ABCB5: variants seen among roughly 807,000 people sequenced by gnomAD.
ABCB5 encodes the protein ATP binding cassette subfamily B member 5, also known as ATP-binding cassette sub-family B member 5.
A neutral mutation model predicts 144.2 loss-of-function variants in ABCB5; 155 were observed. That is an observed-to-expected ratio of 1.08 (90% confidence interval 0.94 to 1.23). ABCB5 has a LOEUF of 1.23. ABCB5 is among the 50% of genes most tolerant of loss of function. The probability of loss-of-function intolerance (pLI) is 0.00; values close to 1 mark genes in which losing one functional copy is unlikely to be tolerated. For missense variants in ABCB5, 1,830 were observed against 1,520.8 expected (o/e 1.20, Z -3.38); for synonymous variants, 610 against 528.6 (o/e 1.15, Z -2.11).
chr7:20,646,118 A>G lies in ABCB5; in HGVS notation c.961A>G (p.Thr321Ala). Residue 321 changes from threonine (T) to alanine (A), a missense_variant, in exon 9 of 28, where the codon ACC becomes GCC. Physicochemically the swap from Thr to Ala is moderately conservative, Grantham distance 58 (BLOSUM62 0). Transcript: ENST00000404938. ...GATTCTTAATGGAGAACCTGGATAT[A>G]CCATCGGGACTGTTCTTGCTGTAAG... ...SLILNGEPGYTIGTVLAVFFS... is the reference protein window; with the variant it reads ...SLILNGEPGYAIGTVLAVFFS... 3 of 1,613,336 alleles carry G rather than the reference A, an allele frequency of 1.9e-6. No individual in the cohort carries two copies. Among genetic ancestry groups the G allele is most frequent in the Non-Finnish European group, 2.5e-6 (3 of 1,179,618 alleles).
chr7:20,661,534 C>CTCTTT (rs1406657803), intron 14 of ABCB5, among the ~76,000 whole-genome samples: 10 of 132,436 alleles, frequency 7.6e-5, no homozygotes, highest in South Asian at 4.5e-4. Context: ...TCTTTCTTTT[C>CTCTTT]TTTTTCTTTT....
Position 20,743,092 on chromosome 7 carries a change from C to G in ABCB5, c.3222+18C>G, listed in dbSNP as rs1412775239. On this transcript the variant is annotated intron_variant, in intron 25 of 27. Transcript: ENST00000404938. ...GACAAGTGGTAAGACAGAACTGAAA[C>G]ACACCTAATCTGGGGGTTAGCAGTC... 6.2e-7 allele frequency: 1 copy of G among 1,611,840 alleles called. No individual in the cohort carries two copies. Among genetic ancestry groups the G allele is most frequent in the East Asian group, 2.2e-5 (1 of 44,848 alleles).
At chr7:20,618,660 C>A (rs972433898) in intron 1 of ABCB5, among the ~76,000 whole-genome samples, 1 of 149,326 alleles carries the variant, frequency 6.7e-6, no homozygotes, top group Middle Eastern at 3.4e-3. Context: ...TGAAAACATA[C>A]AACATTTGGT....
At chr7:20,661,886 T>C (rs1052928326) in intron 14 of ABCB5, among the ~76,000 whole-genome samples, 10 of 151,992 alleles carry the variant, frequency 6.6e-5, no homozygotes, top group African/African-American at 1.7e-4. Flanking sequence ...TACAAACTAG[T>C]TTTGTTTCAC....
chr7:20,626,532 T>G (rs771442695), intron 2 of ABCB5, 25 bp from the exon 3 acceptor site: 1 of 1,593,382 alleles, frequency 6.3e-7, no homozygotes, highest in African/African-American at 1.3e-5. Context: ...TTGTAACTGC[T>G]GCATTTTGAA....
At position 20,681,611 on chromosome 7, in the gene ABCB5, C is replaced by A; in HGVS notation, c.1814C>A (p.Ala605Glu). The A allele has an allele frequency of 6.2e-7, 1 of 1,614,128 alleles. No individual in the cohort carries two copies. The highest frequency in any genetic ancestry group is 8.5e-7 in the Non-Finnish European group (1 of 1,180,028). ...GATGGAATGCTGGCGGAGAAAGGAG[C>A]ACATGCTGAACTAATGGCAAAACGA... ...LKDGMLAEKGAHAELMAKRGL... is the reference protein window; with the variant it reads ...LKDGMLAEKGEHAELMAKRGL... Residue 605 changes from alanine (A) to glutamate (E), a missense_variant, in exon 15 of 28, where the codon GCA (alanine) becomes GAA (glutamate). Coordinates refer to ENST00000404938, the MANE Select transcript of ABCB5 (RefSeq NM_001163941.2).
At chr7:20,669,121 C>A (rs1345650492) in intron 14 of ABCB5, among the ~76,000 whole-genome samples, 1 of 150,954 alleles carries the variant, frequency 6.6e-6, no homozygotes, top group Non-Finnish European at 1.5e-5. Flanking sequence ...CAGCCCCCCA[C>A]CCGGCCAGCT....
chr7:20,732,852 T>C (rs1782266420), intron 23 of ABCB5, among the ~76,000 whole-genome samples: 1 of 152,216 alleles, frequency 6.6e-6, no homozygotes, highest in Admixed American at 6.5e-5. Flanking sequence ...CTCAAAATCA[T>C]GCCAGTCACT....
intron 16 of ABCB5, among the ~76,000 whole-genome samples, chr7:20,686,480 C>T (rs990312571): frequency 3.3e-5 from 5 of 152,146 alleles, no homozygotes; most frequent in African/African-American, 1.2e-4. Flanking sequence ...CGCCCGACAC[C>T]TGCTTTGAGC....
chr7:20,649,234 C>A (rs541279753), intron 11 of ABCB5, among the ~76,000 whole-genome samples: 5 of 152,258 alleles, frequency 3.3e-5, no homozygotes, highest in African/African-American at 9.6e-5. Context: ...CTTCAGAGAA[C>A]TTTTCTCGGC....
chr7:20,644,128 C>G (rs887289252), intron 7 of ABCB5, among the ~76,000 whole-genome samples: 4 of 151,566 alleles, frequency 2.6e-5, no homozygotes, highest in Admixed American at 6.6e-5. Context: ...CTGTGTCACA[C>G]AGGCTGGAGT....
chr7:20,685,580 T>A, intron 15 of ABCB5, 116 bp from the exon 16 acceptor site: 1 of 916,860 alleles, frequency 1.1e-6, no homozygotes, highest in African/African-American at 1.7e-5. Context: ...AGAACTACAT[T>A]AGAATATGCC....
At chr7:20,645,690 C>G (rs111890680) in intron 7 of ABCB5, 66 bp from the exon 8 acceptor site, 1 of 1,556,244 alleles carries the variant, frequency 6.4e-7, no homozygotes, top group African/African-American at 1.4e-5. Flanking sequence ...TTCTGCCTGA[C>G]TTAAATGTTC....
chr7:20,650,465 T>C (rs1448832612), intron 12 of ABCB5, among the ~76,000 whole-genome samples: 1 of 152,180 alleles, frequency 6.6e-6, no homozygotes, highest in Non-Finnish European at 1.5e-5. Flanking sequence ...GGAGGGAATG[T>C]TGTGGAGAAA....
chr7:20,638,669 T>A (rs369748331), intron 5 of ABCB5, among the ~76,000 whole-genome samples: 3 of 152,348 alleles, frequency 2.0e-5, no homozygotes, highest in South Asian at 4.1e-4. Context: ...GGTTCATCCA[T>A]GTTGTAACAG....
rs775989867 is a variant in ABCB5 at position 20,647,656 on chromosome 7, C to T, written c.1095+8C>T. 5.2e-6 allele frequency: 8 copies of T among 1,553,212 alleles called. No homozygotes were observed. In the Admixed American group the frequency reaches 8.1e-5, roughly 16 times the overall value. On this transcript the variant is annotated splice_region_variant and intron_variant, in intron 10 of 27. Transcript: ENST00000404938. ...TTCCAGGTTATTGATAAGGTAAGAC[C>T]TCTTATTGCTTTGAAGAATAACTAT...
At chr7:20,666,097 G>T (rs1017514255) in intron 14 of ABCB5, among the ~76,000 whole-genome samples, 3 of 151,796 alleles carry the variant, frequency 2.0e-5, no homozygotes, top group African/African-American at 7.3e-5. Flanking sequence ...TTGAACCCAG[G>T]AGGTGGAGGT....
chr7:20,690,258 A>G (rs1468847753), intron 16 of ABCB5, among the ~76,000 whole-genome samples: 1 of 152,256 alleles, frequency 6.6e-6, no homozygotes, highest in Non-Finnish European at 1.5e-5. Context: ...AAATTTTAAT[A>G]TAACATTGCC....
intron 20 of ABCB5, among the ~76,000 whole-genome samples, chr7:20,708,776 A>G (rs1786911187): frequency 6.6e-6 from 1 of 152,160 alleles, no homozygotes; most frequent in South Asian, 2.1e-4. Flanking sequence ...AACACTTTAC[A>G]TTTTCACAAG....
Sources: gnomAD v4.1 joint callset for allele counts (sites outside exome capture counted in the v4.1 genomes callset) on GRCh38, gnomAD v4.1.1 for gene constraint, MANE v1.5 for transcripts, NCBI Gene and HGNC (gene_info 2026-07-23, HGNC 2026-07-21) for gene names.